EPB41L4A: variants seen among roughly 807,000 people sequenced by gnomAD.
The protein encoded by EPB41L4A is erythrocyte membrane protein band 4.1 like 4A.
EPB41L4A carries 100 observed loss-of-function variants against 108.6 expected under a neutral mutation model. That is an observed-to-expected ratio of 0.92 (90% CI 0.78 to 1.09). The LOEUF (loss-of-function observed/expected upper bound fraction) is 1.09, where lower values mean the gene tolerates loss of function less well. EPB41L4A is among the 50% of genes least tolerant of loss of function. The pLI, the probability that EPB41L4A is intolerant of heterozygous loss-of-function variation, is 0.00. For missense variants in EPB41L4A, 1,030 were observed against 842.7 expected, an observed-to-expected ratio of 1.22 and a Z score of -2.75; for synonymous variants, 319 against 289.0, an observed-to-expected ratio of 1.10 and a Z score of -1.05.
chr5:112,354,004 G>C (rs938298329), intron 1 of EPB41L4A, among the ~76,000 whole-genome samples: 1 of 152,172 alleles, frequency 6.6e-6, no homozygotes, highest in Non-Finnish European at 1.5e-5. Flanking sequence ...AGGCAACTTT[G>C]AAAACCATAT....
intron 2 of EPB41L4A, among the ~76,000 whole-genome samples, chr5:112,291,567 A>C (rs1459634417): frequency 2.0e-5 from 3 of 152,050 alleles, no homozygotes; most frequent in Non-Finnish European, 2.9e-5. Context: ...GCAGGACTCT[A>C]ATCTTCTCCC....
downstream of EPB41L4A, among the ~76,000 whole-genome samples, chr5:112,159,739 G>C (rs1442999371): frequency 1.3e-5 from 2 of 152,134 alleles, no homozygotes; most frequent in African/African-American, 2.4e-5. Context: ...AATGTGTCTA[G>C]TCTGAACGGA....
rs1005810034 is a variant in EPB41L4A at position 112,164,758 on chromosome 5, C to T, written c.*232G>A. The T allele has an allele frequency of 3.5e-5, 11 of 313,894 alleles. No homozygotes were observed. The highest frequency in any genetic ancestry group is 2.5e-4 in the African/African-American group (11 of 44,866). The allele number at this position is 313,894 out of a possible 1,614,324, so 19.4% of individuals were successfully genotyped here. ...CCTGAGACAGGAGAATCGCTTAACC[C>T]AGTAAGTGGAGGCTGCGGTGAGCTG... On this transcript the variant is annotated 3_prime_UTR_variant, in exon 23 of 23. Coordinates refer to ENST00000261486, the MANE Select transcript of EPB41L4A (RefSeq NM_022140.5).
chr5:112,161,082 AAACGG>A (rs1759867160), downstream of EPB41L4A: 4 of 160,436 alleles, frequency 2.5e-5, no homozygotes, highest in Non-Finnish European at 5.6e-5. Flanking sequence ...CCACGTTTGG[AAACGG>A]GGAGCTTCGT....
intron 4 of EPB41L4A, among the ~76,000 whole-genome samples, chr5:112,268,734 T>C (rs1306508003): frequency 1.4e-5 from 2 of 147,980 alleles, no homozygotes; most frequent in Non-Finnish European, 1.5e-5. Flanking sequence ...TCACCGCTAC[T>C]TGGGAGGCTG....
At chr5:112,255,716 CA>C (rs1391817204) in intron 9 of EPB41L4A, among the ~76,000 whole-genome samples, 2 of 152,086 alleles carry the variant, frequency 1.3e-5, no homozygotes, top group African/African-American at 4.8e-5. Context: ...CTCGTGGCTT[CA>C]AAAAGTAGCA....
intron 3 of EPB41L4A, among the ~76,000 whole-genome samples, chr5:112,279,045 C>CCAGAGCAAG (rs1185587007): frequency 7.3e-6 from 1 of 137,276 alleles, no homozygotes; most frequent in Non-Finnish European, 1.5e-5. Context: ...AGCCTGGGTG[C>CCAGAGCAAG]CAGAGCAAGA....
chr5:112,328,103 A>G (rs1756303532), intron 1 of EPB41L4A, among the ~76,000 whole-genome samples: 1 of 152,124 alleles, frequency 6.6e-6, no homozygotes, highest in Non-Finnish European at 1.5e-5. Flanking sequence ...AAGTCAGGAG[A>G]TCGAGACCAT....
chr5:112,250,943 CA>C (rs1750619328), intron 9 of EPB41L4A, among the ~76,000 whole-genome samples: 1 of 152,164 alleles, frequency 6.6e-6, no homozygotes, highest in Non-Finnish European at 1.5e-5. Context: ...CCTCACTTTA[CA>C]GATTACGAAA....
chr5:112,366,333 G>A (rs1195916925), intron 1 of EPB41L4A, among the ~76,000 whole-genome samples: 2 of 151,858 alleles, frequency 1.3e-5, no homozygotes, highest in Non-Finnish European at 1.5e-5. Flanking sequence ...TATATAGTCA[G>A]GTCCCAGGAG....
intron 15 of EPB41L4A, among the ~76,000 whole-genome samples, chr5:112,198,080 C>G (rs1341900339): frequency 6.6e-6 from 1 of 152,018 alleles, no homozygotes; most frequent in Non-Finnish European, 1.5e-5. Context: ...GTGGCCCAAC[C>G]TGGAGTACAG....
intron 3 of EPB41L4A, 113 bp from the exon 4 acceptor site, chr5:112,275,517 G>C: frequency 8.0e-7 from 1 of 1,244,166 alleles, no homozygotes; most frequent in Non-Finnish European, 1.1e-6. Flanking sequence ...AAAGAAACAA[G>C]AAAACATAAG....
intron 1 of EPB41L4A, among the ~76,000 whole-genome samples, chr5:112,335,986 A>AG (rs1249444474): frequency 6.6e-6 from 1 of 151,976 alleles, no homozygotes; most frequent in African/African-American, 2.4e-5. Flanking sequence ...TTAATCCATC[A>AG]GGCACCACCC....
intron 1 of EPB41L4A, among the ~76,000 whole-genome samples, chr5:112,376,321 A>G (rs1364095990): frequency 6.6e-6 from 1 of 152,236 alleles, no homozygotes; most frequent in Admixed American, 6.5e-5. Context: ...TAAAACCACA[A>G]TGAAATATCA....
chr5:112,196,456 G>T (rs187176460), intron 15 of EPB41L4A, among the ~76,000 whole-genome samples: 13 of 152,318 alleles, frequency 8.5e-5, no homozygotes, highest in Non-Finnish European at 1.0e-4. Flanking sequence ...AAGATAAGCT[G>T]TTATTGCTTA....
intron 1 of EPB41L4A, among the ~76,000 whole-genome samples, chr5:112,368,711 C>G (rs1759298364): frequency 1.3e-5 from 2 of 152,158 alleles, no homozygotes; most frequent in African/African-American, 4.8e-5. Context: ...TCTGCTGCAT[C>G]TGGCATCATT....
At chr5:112,293,718 C>A (rs538811674) in intron 2 of EPB41L4A, among the ~76,000 whole-genome samples, 21 of 152,260 alleles carry the variant, frequency 1.4e-4, no homozygotes, top group African/African-American at 5.1e-4. Flanking sequence ...GCATGCAGTG[C>A]AAGAAGCGAC....
chr5:112,240,465 A>G (rs894441299), intron 10 of EPB41L4A, among the ~76,000 whole-genome samples: 3 of 152,208 alleles, frequency 2.0e-5, no homozygotes, highest in Admixed American at 6.5e-5. Flanking sequence ...AACCTAAAAA[A>G]TATTACCTCG....
chr5:112,334,522 A>T (rs1354701651), intron 1 of EPB41L4A, among the ~76,000 whole-genome samples: 1 of 151,692 alleles, frequency 6.6e-6, no homozygotes, highest in Admixed American at 6.6e-5. Context: ...TAACCCAGAC[A>T]CTCCTTTCTA....
Sources: allele counts gnomAD v4.1 joint callset (sites outside exome capture counted in the v4.1 genomes callset), GRCh38; gene constraint gnomAD v4.1.1; transcripts MANE v1.5; gene names NCBI Gene and HGNC (gene_info 2026-07-23, HGNC 2026-07-21).